CFAP44: variants seen among roughly 807,000 people sequenced by gnomAD.
CFAP44 encodes the protein cilia and flagella associated protein 44.
CFAP44 carries 134 observed loss-of-function variants against 216.2 expected under a neutral mutation model. The observed-to-expected ratio is 0.62, with a 90% confidence interval of 0.54 to 0.72. The LOEUF is 0.72. Ranked by LOEUF, CFAP44 falls within the 30% of genes least tolerant of loss-of-function variation. The pLI is 0.00. For missense variants in CFAP44, 2,035 were observed against 2,182.1 expected, an observed-to-expected ratio of 0.93 and a Z score of 1.34; for synonymous variants, 700 against 727.6, an observed-to-expected ratio of 0.96 and a Z score of 0.61.
chr3:113,316,136 CAGAA>C (rs1950084591), intron 28 of CFAP44, among the ~76,000 whole-genome samples: 1 of 152,112 alleles, frequency 6.6e-6, no homozygotes, highest in Admixed American at 6.5e-5. Flanking sequence ...AAATCAATAA[CAGAA>C]AGATAACAGA....
At chr3:113,370,941 C>A (rs1279184888) in intron 18 of CFAP44, among the ~76,000 whole-genome samples, 2 of 149,876 alleles carry the variant, frequency 1.3e-5, no homozygotes, top group East Asian at 4.0e-4. Flanking sequence ...CAGTAACAGA[C>A]AAAGAGAAAG....
intron 16 of CFAP44, among the ~76,000 whole-genome samples, chr3:113,380,487 T>C (rs572113782): frequency 6.6e-5 from 10 of 152,124 alleles, no homozygotes; most frequent in Non-Finnish European, 1.0e-4. Context: ...CTGGAGTGCA[T>C]TGGTGCAATC....
intron 15 of CFAP44, among the ~76,000 whole-genome samples, chr3:113,387,262 C>T (rs1559932167): frequency 6.6e-6 from 1 of 152,052 alleles, no homozygotes; most frequent in South Asian, 2.1e-4. Context: ...CAGCACAGCT[C>T]GCAGCTCTGG....
intron 6 of CFAP44, among the ~76,000 whole-genome samples, chr3:113,411,560 A>G (rs1377299158): frequency 6.6e-6 from 1 of 152,178 alleles, no homozygotes; most frequent in South Asian, 2.1e-4. Context: ...CTTGTAGTAT[A>G]GTTTGAAGTT....
chr3:113,438,181 T>C (rs937508916), intron 1 of CFAP44, among the ~76,000 whole-genome samples: 3 of 152,238 alleles, frequency 2.0e-5, no homozygotes, highest in Admixed American at 1.3e-4. Flanking sequence ...TTGTTTTTAC[T>C]ATACTCCTAG....
At chr3:113,399,021 G>GGA (rs1295917956) in intron 13 of CFAP44, among the ~76,000 whole-genome samples, 2 of 152,144 alleles carry the variant, frequency 1.3e-5, no homozygotes, top group African/African-American at 4.8e-5. Flanking sequence ...ACTAGATCTT[G>GGA]GAGCCCTGAG....
chr3:113,345,042 T>C (rs879782196), intron 22 of CFAP44, among the ~76,000 whole-genome samples: 5 of 149,146 alleles, frequency 3.4e-5, no homozygotes, highest in African/African-American at 9.8e-5. Flanking sequence ...TCTGAGGAAA[T>C]AGAATCCATC....
rs542689122 is a variant in CFAP44 at position 113,381,255 on chromosome 3, TA to T, written c.1891-196del. 3.6e-4 allele frequency among the ~76,000 whole-genome samples: 55 copies of T among 151,056 alleles called. No homozygotes were observed. In the South Asian group the frequency reaches 0.011, roughly 31 times the overall value. Reference sequence around the variant, plus strand: ...ATTGTCATAGTACTAATTATTGTTATATCATTATTAAGTGATTAAAGATTAA... The same window carrying T: ...ATTGTCATAGTACTAATTATTGTTATTCATTATTAAGTGATTAAAGATTAA... On this transcript the variant is annotated intron_variant, in intron 15 of 34. Coordinates refer to ENST00000393845, the MANE Select transcript of CFAP44 (RefSeq NM_001164496.2).
intron 4 of CFAP44, among the ~76,000 whole-genome samples, chr3:113,421,773 G>A (rs373794353): frequency 7.9e-5 from 12 of 151,668 alleles, no homozygotes; most frequent in African/African-American, 2.9e-4. Flanking sequence ...CTTATAAGTG[G>A]GAGCTAAATC....
intron 4 of CFAP44, among the ~76,000 whole-genome samples, chr3:113,421,531 G>T (rs1310139546): frequency 6.6e-6 from 1 of 152,156 alleles, no homozygotes; most frequent in Non-Finnish European, 1.5e-5. Context: ...AAAGACACAT[G>T]CACTCATATG....
At chr3:113,330,798 C>G (rs1394124032) in intron 25 of CFAP44, 130 bp from the exon 26 acceptor site, 3 of 1,243,704 alleles carry the variant, frequency 2.4e-6, no homozygotes, top group Middle Eastern at 5.5e-4. Context: ...CTGATCATAC[C>G]TTTTTACCAC....
intron 6 of CFAP44, among the ~76,000 whole-genome samples, chr3:113,410,728 C>A (rs1934442663): frequency 6.6e-6 from 1 of 152,194 alleles, no homozygotes; most frequent in African/African-American, 2.4e-5. Flanking sequence ...ACCACACTGT[C>A]TTCCACAATG....
chr3:113,362,912 T>C (rs918051190), intron 21 of CFAP44: 4 of 1,267,108 alleles, frequency 3.2e-6, no homozygotes, highest in Non-Finnish European at 4.0e-6. Context: ...TCATGTGTTC[T>C]ATAACAACAG....
intron 21 of CFAP44, chr3:113,360,926 T>TA (rs111698499): frequency 0.013 from 2,761 of 207,140 alleles, 4 homozygotes; most frequent in South Asian, 0.028. Flanking sequence ...GCTACTAATA[T>TA]AAAAAAAAAA....
chr3:113,304,234 G>A (rs942106082), intron 31 of CFAP44, 117 bp from the exon 32 acceptor site: 44 of 1,030,876 alleles, frequency 4.3e-5, no homozygotes, highest in Non-Finnish European at 6.0e-5. Flanking sequence ...TTGCCTTTGG[G>A]CTTCTACGTC....
chr3:113,352,449 G>T (rs1950454020), intron 22 of CFAP44, among the ~76,000 whole-genome samples: 1 of 152,146 alleles, frequency 6.6e-6, no homozygotes, highest in African/African-American at 2.4e-5. Context: ...CTTCATTCTT[G>T]AAGTCAGCAA....
At chr3:113,376,731 G>A (rs927307148) in intron 17 of CFAP44, among the ~76,000 whole-genome samples, 1 of 152,174 alleles carries the variant, frequency 6.6e-6, no homozygotes, top group African/African-American at 2.4e-5. Context: ...AATAAGTTAA[G>A]CCAATGATTA....
chr3:113,403,089 A>C (rs1052347845), intron 9 of CFAP44, among the ~76,000 whole-genome samples: 2 of 121,502 alleles, frequency 1.6e-5, no homozygotes, highest in Non-Finnish European at 3.5e-5. Context: ...CCAGACTCTT[A>C]AAAAAGAAAA....
At chr3:113,320,006 C>A (rs1950127188) in intron 28 of CFAP44, among the ~76,000 whole-genome samples, 1 of 151,866 alleles carries the variant, frequency 6.6e-6, no homozygotes, top group Non-Finnish European at 1.5e-5. Flanking sequence ...TGGATAAATT[C>A]CTGGAAATAC....
Sources: gnomAD v4.1 joint callset for allele counts (sites outside exome capture counted in the v4.1 genomes callset) on GRCh38, gnomAD v4.1.1 for gene constraint, MANE v1.5 for transcripts, NCBI Gene and HGNC (gene_info 2026-07-23, HGNC 2026-07-21) for gene names.